The following GRM8 variants were observed in gnomAD, a reference collection of about 807,000 sequenced individuals.
GRM8 encodes the protein metabotropic glutamate receptor 8.
In GRM8, 47 loss-of-function variants were observed where a neutral mutation model predicts 87.2. The observed-to-expected ratio is 0.54, with a 90% CI of 0.43 to 0.69. The LOEUF is 0.69. Ranked by LOEUF, GRM8 falls within the 30% of genes least tolerant of loss-of-function variation. The pLI, the probability that GRM8 is intolerant of heterozygous loss-of-function variation, is 0.00. For synonymous variants in GRM8, 396 were observed against 404.5 expected, an observed-to-expected ratio of 0.98 and a Z score of 0.25; for missense variants, 1,019 against 1,139.2, an observed-to-expected ratio of 0.89 and a Z score of 1.52.
intron 6 of GRM8, among the ~76,000 whole-genome samples, chr7:126,796,385 T>C (rs1821952736): frequency 6.6e-6 from 1 of 152,156 alleles, no homozygotes; most frequent in Non-Finnish European, 1.5e-5. Context: ...CATATAGCTC[T>C]AGATTTTGAT....
At chr7:126,751,347 G>A (rs1468704492) in intron 7 of GRM8, among the ~76,000 whole-genome samples, 4 of 151,910 alleles carry the variant, frequency 2.6e-5, no homozygotes, top group Non-Finnish European at 5.9e-5. Context: ...GTATTACAAT[G>A]GAGAGAACAA....
intron 9 of GRM8, among the ~76,000 whole-genome samples, chr7:126,470,317 T>C (rs1344515718): frequency 6.7e-6 from 1 of 149,954 alleles, no homozygotes. Context: ...ATTAGGTATA[T>C]CTCCCAATGC....
chr7:127,012,529 G>A (rs181035444), intron 3 of GRM8, among the ~76,000 whole-genome samples: 6 of 152,064 alleles, frequency 3.9e-5, no homozygotes, highest in East Asian at 1.9e-4. Flanking sequence ...TGGGCCTTCC[G>A]CTCTACTTAA....
chr7:126,989,169 G>C (rs1048592064), intron 3 of GRM8, among the ~76,000 whole-genome samples: 4 of 152,010 alleles, frequency 2.6e-5, no homozygotes, highest in Middle Eastern at 6.4e-3. Context: ...TCCCATAGAG[G>C]CTCTTAGGGT....
intron 6 of GRM8, among the ~76,000 whole-genome samples, chr7:126,868,432 G>C (rs1369969845): frequency 6.6e-6 from 1 of 152,212 alleles, no homozygotes; most frequent in Non-Finnish European, 1.5e-5. Context: ...AAAATGAGCT[G>C]AGACTACAAA....
At chr7:126,849,982 T>G (rs2130707366) in intron 6 of GRM8, among the ~76,000 whole-genome samples, 1 of 152,336 alleles carries the variant, frequency 6.6e-6, no homozygotes, top group Middle Eastern at 3.4e-3. Flanking sequence ...TGCAGCCCTC[T>G]TTTGATACTA....
intron 8 of GRM8, among the ~76,000 whole-genome samples, chr7:126,559,433 A>C (rs532349150): frequency 6.6e-6 from 1 of 152,170 alleles, no homozygotes; most frequent in East Asian, 1.9e-4. Flanking sequence ...TCGGCCTCTC[A>C]AAGTGCTGGG....
intron 2 of GRM8, among the ~76,000 whole-genome samples, chr7:127,161,311 G>T (rs557332153): frequency 1.3e-5 from 2 of 152,266 alleles, no homozygotes; most frequent in South Asian, 4.1e-4. Flanking sequence ...AAAACAAGAT[G>T]CACAAAAGAG....
Position 126,769,913 on chromosome 7 carries a change from T to C in GRM8, c.1309A>G (p.Ile437Val), listed in dbSNP as rs757561226. Residue 437 changes from isoleucine to valine, a missense_variant, in exon 7 of 11, where the codon ATT (isoleucine) becomes GTT (valine). Ile to Val is a conservative substitution (Grantham distance 29). Coordinates refer to ENST00000339582, the MANE Select transcript of GRM8 (RefSeq NM_000845.3). The stretch of plus-strand genomic sequence containing the variant: ...TAACCAAGTAGCTCTTTCCCATCAA[T>C]GGTACTCATTCGTGGACAAAGGCCA... ...YIGLCPRMST[I>V]DGKELLGYIR... 12 of 1,607,246 alleles carry C rather than the reference T, an allele frequency of 7.5e-6. No homozygotes were observed. The highest frequency in any genetic ancestry group is 1.0e-5 in the Non-Finnish European group (12 of 1,176,038).
At chr7:127,105,576 C>A (rs17867763) in intron 3 of GRM8, among the ~76,000 whole-genome samples, 8,059 of 152,176 alleles carry the variant, frequency 0.053, 243 homozygotes, top group South Asian at 0.12. Flanking sequence ...TGAGTCGAGG[C>A]CTCTAAGAAA....
intron 7 of GRM8, among the ~76,000 whole-genome samples, chr7:126,640,131 A>G (rs1013310688): frequency 6.6e-6 from 1 of 152,218 alleles, no homozygotes; most frequent in Non-Finnish European, 1.5e-5. Flanking sequence ...TAACTCATCA[A>G]AAGAGTCCAT....
intron 2 of GRM8, among the ~76,000 whole-genome samples, chr7:127,131,901 T>C (rs980466642): frequency 1.3e-5 from 2 of 152,240 alleles, no homozygotes; most frequent in African/African-American, 4.8e-5. Flanking sequence ...TATACAGCTC[T>C]GAACTCTTAA....
intron 3 of GRM8, among the ~76,000 whole-genome samples, chr7:126,992,831 G>GTGTGTA (rs1554558391): frequency 1.1e-4 from 15 of 141,132 alleles, no homozygotes; most frequent in African/African-American, 2.4e-4. Flanking sequence ...GTGTGTGTAT[G>GTGTGTA]TGTGTGTGTG....
At chr7:127,040,946 G>A (rs1818374445) in intron 3 of GRM8, among the ~76,000 whole-genome samples, 1 of 152,222 alleles carries the variant, frequency 6.6e-6, no homozygotes, top group African/African-American at 2.4e-5. Flanking sequence ...AATCTGACAT[G>A]TAAGTCCAAT....
At chr7:126,793,475 C>T (rs1397464134) in intron 6 of GRM8, among the ~76,000 whole-genome samples, 1 of 152,174 alleles carries the variant, frequency 6.6e-6, no homozygotes, top group African/African-American at 2.4e-5. Context: ...GCAGACCCCA[C>T]ACAACTCCTG....
chr7:127,103,848 A>G (rs1825560539), intron 3 of GRM8, among the ~76,000 whole-genome samples: 1 of 152,158 alleles, frequency 6.6e-6, no homozygotes. Flanking sequence ...GTCTTTACCA[A>G]GTGTCTCCTG....
At chr7:127,242,267 CA>C (rs1259438908) in intron 2 of GRM8, among the ~76,000 whole-genome samples, 12 of 152,166 alleles carry the variant, frequency 7.9e-5, no homozygotes, top group South Asian at 4.1e-4. Flanking sequence ...TTTGTCATAA[CA>C]GAGCATCCCA....
chr7:126,618,444 T>C (rs1799761377), intron 7 of GRM8, among the ~76,000 whole-genome samples: 1 of 152,160 alleles, frequency 6.6e-6, no homozygotes, highest in African/African-American at 2.4e-5. Context: ...ACCTGGGCAA[T>C]ACCATTCACG....
intron 9 of GRM8, among the ~76,000 whole-genome samples, chr7:126,506,718 G>T (rs1450551672): frequency 6.6e-6 from 1 of 151,884 alleles, no homozygotes; most frequent in African/African-American, 2.4e-5. Flanking sequence ...AACAAAGGTT[G>T]CCGAGAGCTG....
Sources: gnomAD v4.1 joint callset for allele counts (sites outside exome capture counted in the v4.1 genomes callset) on GRCh38, gnomAD v4.1.1 for gene constraint, MANE v1.5 for transcripts, NCBI Gene and HGNC (gene_info 2026-07-23, HGNC 2026-07-21) for gene names.